FHL5: variants seen among roughly 807,000 people sequenced by gnomAD.
The protein encoded by FHL5 is four and a half LIM domains 5.
Under a neutral mutation model 32.0 loss-of-function variants are expected in FHL5, and 33 were observed. The ratio of observed to expected loss-of-function variants is 1.03; its 90% CI spans 0.78 to 1.38. The LOEUF (loss-of-function observed/expected upper bound fraction) is 1.38. FHL5 is among the 40% of genes most tolerant of loss of function. The pLI is 0.00. For missense variants in FHL5, 336 were observed against 343.9 expected (o/e 0.98, Z 0.18); for synonymous variants, 114 against 113.6 (o/e 1.00, Z -0.02).
chr6:96,600,216 T>A (rs1004481908), intron 1 of FHL5, among the ~76,000 whole-genome samples: 3 of 152,198 alleles, frequency 2.0e-5, no homozygotes, highest in African/African-American at 7.2e-5. Flanking sequence ...AAAGTTCAAA[T>A]CAAAAGCTTG....
chr6:96,609,286 A>T (rs917338333), intron 4 of FHL5, among the ~76,000 whole-genome samples: 1 of 152,210 alleles, frequency 6.6e-6, no homozygotes, highest in Non-Finnish European at 1.5e-5. Context: ...AGTTAATTTG[A>T]TACAAAGGTT....
At chr6:96,568,836 G>A (rs1770416236) in intron 1 of FHL5, among the ~76,000 whole-genome samples, 1 of 151,364 alleles carries the variant, frequency 6.6e-6, no homozygotes, top group African/African-American at 2.4e-5. Context: ...GATTTTATTG[G>A]GACCTTTACG....
At chr6:96,599,722 T>C (rs1582474296) in intron 1 of FHL5, among the ~76,000 whole-genome samples, 1 of 152,210 alleles carries the variant, frequency 6.6e-6, no homozygotes, top group African/African-American at 2.4e-5. Context: ...TGAATAACTT[T>C]GAAAGAAGTT....
intron 1 of FHL5, among the ~76,000 whole-genome samples, chr6:96,588,162 C>T (rs892352124): frequency 6.6e-6 from 1 of 152,090 alleles, no homozygotes; most frequent in Non-Finnish European, 1.5e-5. Flanking sequence ...TGATTTTATC[C>T]ATTCATTTTT....
intron 5 of FHL5, among the ~76,000 whole-genome samples, chr6:96,612,588 G>A (rs1771433566): frequency 6.6e-6 from 1 of 151,554 alleles, no homozygotes; most frequent in African/African-American, 2.4e-5. Flanking sequence ...AAGTTGAGAT[G>A]GAAAAACAAC....
In FHL5 at chr6:96,603,686, G is replaced by A; in HGVS notation, c.73G>A (p.Asp25Asn). Reference protein sequence around the residue: ...LLGKKYVLKDDSPYCVTCYDR... With the variant: ...LLGKKYVLKDNSPYCVTCYDR... Reference sequence around the variant, plus strand: ...TGGGAAGAAATATGTACTAAAGGATGACAGTCCATACTGTGTTACATGTTA... The same window carrying A: ...TGGGAAGAAATATGTACTAAAGGATAACAGTCCATACTGTGTTACATGTTA... The change falls in exon 2 of 6, where the codon GAC becomes AAC. Residue 25 changes from aspartate to asparagine, a missense_variant. Asp to Asn is a conservative substitution (Grantham distance 23). Coordinates refer to ENST00000450218, the MANE Select transcript of FHL5 (RefSeq NM_001322466.2). 1 of 1,611,082 alleles carries A rather than the reference G, an allele frequency of 6.2e-7. No individual in the cohort carries two copies. The highest frequency in any genetic ancestry group is 8.5e-7 in the Non-Finnish European group (1 of 1,177,688).
intron 1 of FHL5, among the ~76,000 whole-genome samples, chr6:96,571,022 G>C (rs1770465628): frequency 1.3e-5 from 2 of 152,094 alleles, no homozygotes; most frequent in Non-Finnish European, 2.9e-5. Flanking sequence ...TGTTACTAGA[G>C]AGTTATTATA....
intron 1 of FHL5, among the ~76,000 whole-genome samples, chr6:96,599,859 A>G (rs1047337023): frequency 1.3e-5 from 2 of 152,252 alleles, no homozygotes; most frequent in Admixed American, 6.5e-5. Flanking sequence ...GCTCATAAAT[A>G]AGAACAGCTT....
At chr6:96,609,519 T>C (rs1771353377) in intron 4 of FHL5, among the ~76,000 whole-genome samples, 1 of 152,192 alleles carries the variant, frequency 6.6e-6, no homozygotes, top group Non-Finnish European at 1.5e-5. Context: ...ATTAAATTGG[T>C]TTAGAAAGAA....
intron 1 of FHL5, among the ~76,000 whole-genome samples, chr6:96,580,431 A>G (rs1255070264): frequency 6.6e-6 from 1 of 152,232 alleles, no homozygotes; most frequent in Admixed American, 6.5e-5. Flanking sequence ...GGTAGAATAT[A>G]AAAAGTATCT....
intron 4 of FHL5, among the ~76,000 whole-genome samples, chr6:96,607,203 C>G (rs190962268): frequency 3.3e-5 from 5 of 150,674 alleles, no homozygotes. Context: ...CCTTGACCTG[C>G]GAGGCATCAT....
chr6:96,586,795 A>C (rs1178164020), intron 1 of FHL5, among the ~76,000 whole-genome samples: 1 of 151,462 alleles, frequency 6.6e-6, no homozygotes, highest in Admixed American at 6.6e-5. Context: ...AATTCTGACT[A>C]AAAAAAAATA....
intron 1 of FHL5, among the ~76,000 whole-genome samples, chr6:96,573,702 T>C (rs1770529385): frequency 6.6e-6 from 1 of 151,784 alleles, no homozygotes; most frequent in Admixed American, 6.6e-5. Flanking sequence ...TTTGTATTTT[T>C]AGTAGAGACG....
intron 1 of FHL5, among the ~76,000 whole-genome samples, chr6:96,601,025 G>T (rs1771136065): frequency 6.6e-6 from 1 of 152,202 alleles, no homozygotes; most frequent in Non-Finnish European, 1.5e-5. Context: ...AAACAGAATT[G>T]AATAAGAAGT....
intron 1 of FHL5, among the ~76,000 whole-genome samples, chr6:96,564,520 A>C (rs192753479): frequency 1.2e-3 from 189 of 152,284 alleles, no homozygotes; most frequent in South Asian, 5.2e-3. Flanking sequence ...CCTCACTGAC[A>C]AATTTACCTC....
At chr6:96,599,191 CTT>C (rs67400814) in intron 1 of FHL5, among the ~76,000 whole-genome samples, 419 of 111,520 alleles carry the variant, frequency 3.8e-3, no homozygotes, top group Middle Eastern at 0.01. Context: ...GAACTTACAT[CTT>C]TTTTTTTTTT....
intron 1 of FHL5, among the ~76,000 whole-genome samples, chr6:96,564,481 T>C (rs1770311740): frequency 6.6e-6 from 1 of 152,120 alleles, no homozygotes; most frequent in African/African-American, 2.4e-5. Flanking sequence ...TAAGCAAGAG[T>C]AGTAGATTTG....
intron 1 of FHL5, among the ~76,000 whole-genome samples, chr6:96,585,377 G>A (rs1022770085): frequency 2.0e-5 from 3 of 152,086 alleles, no homozygotes; most frequent in African/African-American, 7.2e-5. Flanking sequence ...AATCCCAGCT[G>A]AGCATAGATA....
chr6:96,587,626 T>G (rs1488736932), intron 1 of FHL5, among the ~76,000 whole-genome samples: 1 of 152,196 alleles, frequency 6.6e-6, no homozygotes, highest in Non-Finnish European at 1.5e-5. Flanking sequence ...CAAATTGGCT[T>G]AACAAAGAAA....
Sources: allele counts gnomAD v4.1 joint callset (sites outside exome capture counted in the v4.1 genomes callset), GRCh38; gene constraint gnomAD v4.1.1; transcripts MANE v1.5; gene names NCBI Gene and HGNC (gene_info 2026-07-23, HGNC 2026-07-21).